Variants in AHDC1 observed in about 807,000 individuals in gnomAD.
AHDC1 encodes transcription factor Gibbin.
A neutral mutation model predicts 87.9 loss-of-function variants in AHDC1; 7 were observed. The observed-to-expected ratio is 0.08, with a 90% CI of 0.05 to 0.15. The LOEUF is 0.15. Among genes scored for constraint, AHDC1 ranks in the 10% least tolerant of loss-of-function variants. The probability of loss-of-function intolerance (pLI) is 1.00; values close to 1 mark genes in which losing one functional copy is unlikely to be tolerated. For missense variants in AHDC1, 1,841 were observed against 2,253.2 expected (o/e 0.82, Z 3.70); for synonymous variants, 1,051 against 1,006.8 (o/e 1.04, Z -0.83).
rs755324255 is a variant in AHDC1, at chr1:27,550,231, C to T, written c.1885G>A (p.Ala629Thr). ...CAGCGGGGCGGTGAGCACCGTCCAG[C>T]GCACTGGCTCTGGCGGTTCAGGAAG... is the stretch of plus-strand genomic sequence containing the variant. Reference protein sequence around the residue: ...LAFLNRQSQCAGRCSPPRCWT... With the variant: ...LAFLNRQSQCTGRCSPPRCWT... Residue 629 changes from alanine (A) to threonine (T), a missense_variant, in exon 8 of 9, where the codon GCT becomes ACT. By Grantham distance (58) the Ala-to-Thr change is moderately conservative. Around this residue, in one of 13 missense-constraint regions of AHDC1, gnomAD observed 84 missense variants for 111.7 expected, o/e 0.75. Coordinates refer to ENST00000673934, the MANE Select transcript of AHDC1 (RefSeq NM_001371928.1). The T allele has an allele frequency of 5.0e-5, 81 of 1,613,614 alleles. No homozygotes were observed. Among genetic ancestry groups the T allele is most frequent in the South Asian group, 6.6e-5 (6 of 91,092 alleles).
Position 27,551,818 on chromosome 1 carries a change from G to T in AHDC1, c.298C>A (p.Pro100Thr). 6.2e-7 allele frequency: 1 copy of T among 1,612,172 alleles called. No individual in the cohort carries two copies. The highest frequency in any genetic ancestry group is 2.2e-5 in the East Asian group (1 of 44,850). Residue 100 changes from proline to threonine, a missense_variant, in exon 8 of 9, where the codon CCG (proline) becomes ACG (threonine). Physicochemically the swap from Pro to Thr is conservative, Grantham distance 38. This residue lies in a region of AHDC1 where 142 missense variants were observed against 165.6 expected (regional missense o/e 0.86). Coordinates refer to ENST00000673934, the MANE Select transcript of AHDC1 (RefSeq NM_001371928.1). ...RPVSQARCPT[P>T]VGDGSSSRRC... ...CGGGAGCTGCTGCCGTCTCCGACCG[G>T]TGTGGGGCAGCGGGCCTGTGAGACA...
At position 27,563,265 on chromosome 1, in the gene AHDC1, A is replaced by C. The variant is rs2020179524; in HGVS notation, c.-628-4382T>G. Among the ~76,000 whole-genome samples, 1 of 151,356 alleles carries C rather than the reference A, an allele frequency of 6.6e-6. No individual in the cohort carries two copies. Among genetic ancestry groups the C allele is most frequent in the East Asian group, 1.9e-4 (1 of 5,150 alleles). Reference sequence around the variant, plus strand: ...CACGCACGCATGCATGCACACACCCACACAAAGAACCTGTCACATAGTTGA... The same window carrying C: ...CACGCACGCATGCATGCACACACCCCCACAAAGAACCTGTCACATAGTTGA... On this transcript the variant is annotated intron_variant, in intron 3 of 8. Transcript: ENST00000673934. This position sits in a 1 kb window ranked among gnomAD's most constrained non-coding sequence, Gnocchi z 6.1.
chr1:27,600,132 T>C (rs1189464220), intron 3 of AHDC1, among the ~76,000 whole-genome samples: 1 of 151,876 alleles, frequency 6.6e-6, no homozygotes, highest in Non-Finnish European at 1.5e-5. Flanking sequence ...GGCTTTGGTC[T>C]CCATCTTTCT....
chr1:27,580,691 C>G (rs896855552), intron 3 of AHDC1, among the ~76,000 whole-genome samples: 2 of 152,218 alleles, frequency 1.3e-5, no homozygotes, highest in African/African-American at 4.8e-5. Context: ...TTAACAAGAT[C>G]ATGAGGTATA....
intron 3 of AHDC1, among the ~76,000 whole-genome samples, chr1:27,588,062 A>T (rs2089112293): frequency 6.6e-6 from 1 of 152,166 alleles, no homozygotes; most frequent in Non-Finnish European, 1.5e-5. Flanking sequence ...GATAAAACTG[A>T]AGCCCCAGAG....
At chr1:27,569,698 A>T (rs1305701578) in intron 3 of AHDC1, among the ~76,000 whole-genome samples, 1 of 152,104 alleles carries the variant, frequency 6.6e-6, no homozygotes, top group Non-Finnish European at 1.5e-5. Context: ...GCAGGGCCAG[A>T]ACAGGCTACC....
intron 3 of AHDC1, among the ~76,000 whole-genome samples, chr1:27,566,445 C>T (rs777979204): frequency 8.6e-5 from 13 of 151,782 alleles, no homozygotes; most frequent in Non-Finnish European, 7.4e-5. Context: ...CAAAGACACA[C>T]GCACAGGGGG....
intron 3 of AHDC1, among the ~76,000 whole-genome samples, chr1:27,559,317 A>G (rs148610927): frequency 1.3e-4 from 20 of 152,138 alleles, no homozygotes; most frequent in African/African-American, 4.6e-4. Context: ...CAGCCTCCCA[A>G]AGTGCTGGGA....
At position 27,551,335 on chromosome 1, in the gene AHDC1, C is replaced by A; in HGVS notation, c.781G>T (p.Ala261Ser). The change falls in exon 8 of 9, where the codon GCC (alanine) becomes TCC (serine). Residue 261 changes from alanine (A) to serine (S), a missense_variant. Physicochemically the swap from Ala to Ser is moderately conservative, Grantham distance 99 (BLOSUM62 1). Transcript: ENST00000673934. ...GGCGATGGTGGCTCGAGGGCCTGGG[C>A]CTCTAGCAGCTGGGCCTCTGGGCAA... Reference protein sequence around the residue: ...LTCPEAQLLEAQALEPPSPEP... With the variant: ...LTCPEAQLLESQALEPPSPEP... 1 of 1,613,176 alleles carries A rather than the reference C, an allele frequency of 6.2e-7. No individual in the cohort carries two copies. The highest frequency in any genetic ancestry group is 8.5e-7 in the Non-Finnish European group (1 of 1,179,844).
At chr1:27,600,694 AGG>A (rs1301968865) in intron 3 of AHDC1, among the ~76,000 whole-genome samples, 1 of 152,146 alleles carries the variant, frequency 6.6e-6, no homozygotes, top group East Asian at 1.9e-4. Flanking sequence ...GTCTTCTGCC[AGG>A]GGCAGTCTGC....
chr1:27,543,051 G>A (rs866177314), intron 8 of AHDC1, among the ~76,000 whole-genome samples: 2 of 152,206 alleles, frequency 1.3e-5, no homozygotes, highest in African/African-American at 2.4e-5. Context: ...GAGCAGCTGC[G>A]GCCTGGTCCA....
At chr1:27,599,976 T>A (rs1299032548) in intron 3 of AHDC1, among the ~76,000 whole-genome samples, 1 of 151,912 alleles carries the variant, frequency 6.6e-6, no homozygotes, top group Non-Finnish European at 1.5e-5. Flanking sequence ...GAATCTGATC[T>A]TGGGTGAGAG....
rs147352724 is a variant in AHDC1 at position 27,547,970 on chromosome 1, C to A, written c.4146G>T (p.Pro1382=). 1.6e-5 allele frequency: 25 copies of A among 1,600,944 alleles called. No homozygotes were observed. Among genetic ancestry groups the A allele is most frequent in the Non-Finnish European group, 2.0e-5 (24 of 1,171,448 alleles). ...APELDGKHFP[P]LAHPPTVFDA... is the part of the protein sequence containing the mutation. ...CAAACACCGTGGGTGGGTGGGCCAG[C>A]GGTGGGAAATGCTTGCCATCAAGCT... The change falls in exon 8 of 9, where the codon CCG becomes CCT. Residue 1382 remains proline (P), a synonymous_variant. Transcript: ENST00000673934. This position sits in a 1 kb window ranked among gnomAD's most constrained non-coding sequence, Gnocchi z 4.9.
chr1:27,549,469 G>T lies in AHDC1; in HGVS notation c.2647C>A (p.Arg883=), dbSNP rs1025425807. Reference sequence around the variant, plus strand: ...CGGCTAGGGAAGGTGGCCAGGCCCCGCTGGGCAGGCAGGGCACTGGTGGGT... The same window carrying T: ...CGGCTAGGGAAGGTGGCCAGGCCCCTCTGGGCAGGCAGGGCACTGGTGGGT... The part of the protein sequence containing the change: ...GPPTSALPAQ[R]GLATFPSRGA... Residue 883 remains arginine, a synonymous_variant, in exon 8 of 9, where the codon CGG becomes AGG. Transcript: ENST00000673934. 1.9e-6 allele frequency: 3 copies of T among 1,612,922 alleles called. No homozygotes were observed. Among genetic ancestry groups the T allele is most frequent in the Non-Finnish European group, 2.5e-6 (3 of 1,179,842 alleles).
intron 3 of AHDC1, among the ~76,000 whole-genome samples, chr1:27,572,922 C>T (rs1262446602): frequency 6.6e-6 from 1 of 152,262 alleles, no homozygotes; most frequent in Non-Finnish European, 1.5e-5. Flanking sequence ...GTCACTGACA[C>T]ACACATTCCC....
intron 3 of AHDC1, among the ~76,000 whole-genome samples, chr1:27,574,001 G>A (rs1027766275): frequency 2.6e-5 from 4 of 152,240 alleles, no homozygotes; most frequent in Admixed American, 6.5e-5. Flanking sequence ...GGGGATAGGA[G>A]AGGTTGGGAG....
chr1:27,561,423 C>T lies in AHDC1; in HGVS notation c.-628-2540G>A, dbSNP rs2020076945. Among the ~76,000 whole-genome samples the T allele has an allele frequency of 6.6e-6, 1 of 152,198 alleles. No individual in the cohort carries two copies. The highest frequency in any genetic ancestry group is 2.4e-5 in the African/African-American group (1 of 41,438). ...TCCCCAGCAGATAAACGTCAGGCCC[C>T]CACCCAGTGTAAATGAACTTCCAAC... On this transcript the variant is annotated intron_variant, in intron 3 of 8. Coordinates refer to ENST00000673934, the MANE Select transcript of AHDC1 (RefSeq NM_001371928.1). This position sits in a 1 kb window ranked among gnomAD's most constrained non-coding sequence, Gnocchi z 4.2.
rs1026548635 is a variant in AHDC1 at position 27,598,836 on chromosome 1, G to A, written c.-629+4561C>T. 2.6e-5 allele frequency among the ~76,000 whole-genome samples: 4 copies of A among 152,122 alleles called. No homozygotes were observed. In the East Asian group the frequency reaches 5.8e-4, roughly 22 times the overall value. ...AAGCCCCCCAACACCAGCATCCACC[G>A]TCATGACATGAACGCAGAGACCAGC... On this transcript the variant is annotated intron_variant, in intron 3 of 8. Coordinates refer to ENST00000673934, the MANE Select transcript of AHDC1 (RefSeq NM_001371928.1). The surrounding 1 kb of genome is among the most constrained non-coding windows in gnomAD (Gnocchi z 4.2).
intron 3 of AHDC1, among the ~76,000 whole-genome samples, chr1:27,572,684 T>C (rs976360483): frequency 3.3e-5 from 5 of 152,200 alleles, no homozygotes; most frequent in Admixed American, 3.3e-4. Context: ...AGTGTGGGAC[T>C]GTGCTGACTC....
Sources: gnomAD v4.1 joint callset for allele counts (sites outside exome capture counted in the v4.1 genomes callset) on GRCh38, gnomAD v4.1.1 for gene constraint, gnomAD v4.1.1 regional missense constraint, Gnocchi (gnomAD v3.1) non-coding constraint, MANE v1.5 for transcripts, NCBI Gene and HGNC (gene_info 2026-07-23, HGNC 2026-07-21) for gene names.